CCNT2: variants seen among roughly 807,000 people sequenced by gnomAD.
CCNT2 encodes the protein cyclin T2.
In CCNT2, 18 loss-of-function variants were observed where a neutral mutation model predicts 70.0. The observed-to-expected ratio is 0.26, with a 90% CI of 0.18 to 0.38. The LOEUF is 0.38. Among genes scored for constraint, CCNT2 ranks in the 10% least tolerant of loss-of-function variants. CCNT2 has a pLI of 1.00. For missense variants in CCNT2, 734 were observed against 890.2 expected, an observed-to-expected ratio of 0.82 and a Z score of 2.23; for synonymous variants, 334 against 313.3, an observed-to-expected ratio of 1.07 and a Z score of -0.70.
At chr2:134,938,951 T>C (rs1391683319) in intron 3 of CCNT2, 51 bp from the exon 4 acceptor site, 5 of 1,139,070 alleles carry the variant, frequency 4.4e-6, no homozygotes, top group African/African-American at 1.5e-5. Flanking sequence ...TCATGCAGTC[T>C]AGTAATGTTA....
At chr2:134,938,955 A>G in intron 3 of CCNT2, 47 bp from the exon 4 acceptor site, 1 of 1,187,256 alleles carries the variant, frequency 8.4e-7, no homozygotes, top group Admixed American at 1.7e-5. Flanking sequence ...GCAGTCTAGT[A>G]ATGTTATTTT....
At chr2:134,934,273 C>A (rs1680995258) in intron 2 of CCNT2, among the ~76,000 whole-genome samples, 1 of 152,138 alleles carries the variant, frequency 6.6e-6, no homozygotes, top group African/African-American at 2.4e-5. Flanking sequence ...AGTGCATGGT[C>A]CCTGTCCTCA....
intron 2 of CCNT2, 93 bp from the exon 3 acceptor site, chr2:134,936,748 C>G: frequency 8.6e-7 from 1 of 1,162,036 alleles, no homozygotes; most frequent in Non-Finnish European, 1.2e-6. Context: ...GAGCGAAACT[C>G]CACCTCAAAA....
At chr2:134,944,287 G>C in intron 5 of CCNT2, 1 of 983,310 alleles carries the variant, frequency 1.0e-6, no homozygotes, top group South Asian at 4.7e-5. Context: ...GCTAAACTTT[G>C]TAAGCATTGT....
rs1396725744 is a variant in CCNT2 at position 134,957,950 on chromosome 2, T to A, written c.*3302T>A. 1 of 152,228 alleles carries A rather than the reference T, an allele frequency of 6.6e-6. No homozygotes were observed. Among genetic ancestry groups the A allele is most frequent in the Non-Finnish European group, 1.5e-5 (1 of 68,038 alleles). 9.4% of individuals were successfully genotyped at this position (152,228 alleles called of 1,614,324 possible). A position where few individuals can be genotyped will look rare whatever the true frequency, so the allele number is the denominator to read the frequency against. On this transcript the variant is annotated 3_prime_UTR_variant, in exon 9 of 9. Transcript: ENST00000264157. ...CTATCCTCTTTGAACTAGAAATGAC[T>A]ACTTGAGGGCTATTTCAGAGAACCA...
chr2:134,951,685 C>CA (rs558380757), intron 7 of CCNT2, among the ~76,000 whole-genome samples: 4 of 151,618 alleles, frequency 2.6e-5, no homozygotes, highest in East Asian at 3.9e-4. Context: ...TGTTATTTAA[C>CA]AAAAAAAAGA....
chr2:134,941,497 T>G (rs1681578031), intron 4 of CCNT2, among the ~76,000 whole-genome samples: 1 of 152,178 alleles, frequency 6.6e-6, no homozygotes, highest in Admixed American at 6.5e-5. Context: ...GGGGAGTACT[T>G]GGATTTTCGA....
intron 5 of CCNT2, chr2:134,945,768 C>T (rs1681913554): frequency 4.1e-6 from 5 of 1,218,248 alleles, no homozygotes; most frequent in Non-Finnish European, 5.4e-6. Context: ...TCTTCTTCTT[C>T]TTTTTTTTTT....
chr2:134,937,750 A>G (rs1402349774), intron 3 of CCNT2, among the ~76,000 whole-genome samples: 1 of 152,130 alleles, frequency 6.6e-6, no homozygotes, highest in Non-Finnish European at 1.5e-5. Flanking sequence ...CCCCATCTCT[A>G]CTAAAAATAC....
chr2:134,953,606 G>C lies in CCNT2; in HGVS notation c.1151G>C (p.Gly384Ala), dbSNP rs753288340. 6.2e-7 allele frequency: 1 copy of C among 1,614,024 alleles called. No individual in the cohort carries two copies. Among genetic ancestry groups the C allele is most frequent in the Non-Finnish European group, 8.5e-7 (1 of 1,179,978 alleles). The stretch of plus-strand genomic sequence containing the variant: ...CAGTACAACATCAACTTCCAGCAGG[G>C]ACCTTCTATATCACTGCATTCAGGA... ...GSQYNINFQQ[G>A]PSISLHSGLH... is the part of the protein sequence containing the mutation. Residue 384 changes from glycine to alanine, a missense_variant, in exon 9 of 9, where the codon GGA becomes GCA. By Grantham distance (60) the Gly-to-Ala change is moderately conservative. Transcript: ENST00000264157.
intron 2 of CCNT2, among the ~76,000 whole-genome samples, chr2:134,931,260 A>ATTTTTTTTTTTTTTTTTTTTTT (rs1351628226): frequency 7.0e-5 from 3 of 42,966 alleles, no homozygotes; most frequent in Admixed American, 3.6e-4. Flanking sequence ...CCATGCCCGG[A>ATTTTTTTTTTTTTTTTTTTTTT]TCTTTTTTTT....
At chr2:134,927,641 T>C (rs1279757745) in intron 2 of CCNT2, among the ~76,000 whole-genome samples, 4 of 152,246 alleles carry the variant, frequency 2.6e-5, no homozygotes, top group African/African-American at 9.6e-5. Context: ...AAACTGATTT[T>C]CAAGGCCATT....
intron 6 of CCNT2, 101 bp from the exon 7 acceptor site, chr2:134,947,635 T>C (rs1682095806): frequency 2.6e-6 from 2 of 769,570 alleles, no homozygotes; most frequent in Non-Finnish European, 3.8e-6. Context: ...GACTTAAAGA[T>C]AGAGTTTAAA....
rs1683075467 is a variant in CCNT2, at chr2:134,959,120, A to G, written c.*4472A>G. ...TTAATTTTAAGGTATGTTTTTTTCAAGCAGCTTCATTTTATTAGGAAAAAT... is the reference window on the plus strand; with the variant it reads ...TTAATTTTAAGGTATGTTTTTTTCAGGCAGCTTCATTTTATTAGGAAAAAT... On this transcript the variant is annotated 3_prime_UTR_variant, in exon 9 of 9. Coordinates refer to ENST00000264157, the MANE Select transcript of CCNT2 (RefSeq NM_058241.3). 6.6e-6 allele frequency: 1 copy of G among 152,112 alleles called. No individual in the cohort carries two copies. The highest frequency in any genetic ancestry group is 2.1e-4 in the South Asian group (1 of 4,826). 9.4% of individuals were successfully genotyped at this position (152,112 alleles called of 1,614,324 possible).
intron 7 of CCNT2, among the ~76,000 whole-genome samples, chr2:134,951,140 C>T (rs1325338850): frequency 6.6e-6 from 1 of 150,774 alleles, no homozygotes; most frequent in Non-Finnish European, 1.5e-5. Flanking sequence ...TTAGCAGGGA[C>T]TAGTCATGAC....
intron 3 of CCNT2, among the ~76,000 whole-genome samples, chr2:134,937,728 C>T (rs10168842): frequency 0.03 from 4,545 of 152,198 alleles, 76 homozygotes; most frequent in African/African-American, 0.031. Context: ...CCAGCCTGAT[C>T]ATATGGAGAA....
chr2:134,953,414 T>C lies in CCNT2; in HGVS notation c.959T>C (p.Ile320Thr). The C allele has an allele frequency of 1.9e-6, 3 of 1,607,772 alleles. No homozygotes were observed. The highest frequency in any genetic ancestry group is 1.1e-5 in the South Asian group (1 of 90,270). ...CCAGTACCTCTAAATTCAGGAAATATTTCTGTTCAAGACAGCCATACATCT... is the reference window on the plus strand; with the variant it reads ...CCAGTACCTCTAAATTCAGGAAATACTTCTGTTCAAGACAGCCATACATCT... ...PAPVPLNSGNISVQDSHTSDN... is the reference protein window; with the variant it reads ...PAPVPLNSGNTSVQDSHTSDN... Residue 320 changes from isoleucine to threonine, a missense_variant, in exon 9 of 9, where the codon ATT (isoleucine) becomes ACT (threonine). Coordinates refer to ENST00000264157, the MANE Select transcript of CCNT2 (RefSeq NM_058241.3).
chr2:134,940,404 C>G (rs180919674), intron 4 of CCNT2, among the ~76,000 whole-genome samples: 4 of 152,012 alleles, frequency 2.6e-5, no homozygotes, highest in African/African-American at 9.7e-5. Context: ...AGATATTAGT[C>G]TATTTTATCA....
intron 7 of CCNT2, among the ~76,000 whole-genome samples, chr2:134,948,523 T>C (rs1005986368): frequency 6.6e-6 from 1 of 152,120 alleles, no homozygotes; most frequent in Non-Finnish European, 1.5e-5. Flanking sequence ...CATTGTTGCC[T>C]TACATTGTTA....
Sources: allele counts gnomAD v4.1 joint callset (sites outside exome capture counted in the v4.1 genomes callset), GRCh38; gene constraint gnomAD v4.1.1; transcripts MANE v1.5; gene names NCBI Gene and HGNC (gene_info 2026-07-23, HGNC 2026-07-21).